The following P2RX2 variants were observed in gnomAD, a reference collection of about 807,000 sequenced individuals.
P2RX2 encodes purinergic receptor P2X 2.
In P2RX2, 50 loss-of-function variants were observed where a neutral mutation model predicts 54.8. The observed-to-expected ratio is 0.91, with a 90% CI of 0.73 to 1.15. The LOEUF is 1.15. P2RX2 is among the 50% of genes most tolerant of loss of function. P2RX2 has a pLI of 0.00. For missense variants in P2RX2, 658 were observed against 633.2 expected (o/e 1.04, Z -0.42); for synonymous variants, 289 against 259.4 (o/e 1.11, Z -1.09).
rs1254922880 is a variant in P2RX2, at chr12:132,622,316, G to C, written c.*344G>C. ...CACCCCACCCCACCCCACAGGCGTT[G>C]TAACCTTGAATCTGCCCAGACTCTT... On this transcript the variant is annotated 3_prime_UTR_variant, in exon 11 of 11. Transcript: ENST00000643471. The C allele has an allele frequency of 1.1e-6, 1 of 925,250 alleles. No individual in the cohort carries two copies. The highest frequency in any genetic ancestry group is 1.8e-5 in the African/African-American group (1 of 56,364). The allele number at this position is 925,250 out of a possible 1,614,324, so 57.3% of individuals were successfully genotyped here. A position where few individuals can be genotyped will look rare whatever the true frequency, so the allele number is the denominator to read the frequency against.
chr12:132,619,955 C>G (rs2041579101), intron 4 of P2RX2, 36 bp downstream of exon 4: 1 of 1,569,748 alleles, frequency 6.4e-7, no homozygotes, highest in African/African-American at 1.3e-5. Flanking sequence ...GCGGGTGGGG[C>G]AGGGCTGCGT....
At chr12:132,619,352 G>A (rs1402210044) in intron 1 of P2RX2, 87 bp from the exon 2 acceptor site, 2 of 1,497,948 alleles carry the variant, frequency 1.3e-6, no homozygotes, top group African/African-American at 2.8e-5. Context: ...AGCGGACCCG[G>A]GTCGCGGGAG....
chr12:132,619,485 C>G lies in P2RX2; in HGVS notation c.220C>G (p.Pro74Ala). 1.9e-6 allele frequency: 3 copies of G among 1,612,704 alleles called. No individual in the cohort carries two copies. The highest frequency in any genetic ancestry group is 3.3e-4 in the Middle Eastern group (2 of 6,056). Residue 74 changes from proline (P) to alanine (A), a missense_variant, in exon 2 of 11, where the codon CCC becomes GCC. Pro to Ala is a conservative substitution (Grantham distance 27, BLOSUM62 -1). Coordinates refer to ENST00000643471, the MANE Select transcript of P2RX2 (RefSeq NM_170682.4). ...AAGCTACCAGGAGAGCGAGACGGGC[C>G]CCGAGAGCTCCATCATCACCAAGGT... ...QKSYQESETG[P>A]ESSIITKVKG...
intron 1 of P2RX2, 90 bp from the exon 2 acceptor site, chr12:132,619,349 C>A (rs774302980): frequency 1.4e-6 from 2 of 1,460,872 alleles, no homozygotes; most frequent in Admixed American, 3.7e-5. Flanking sequence ...CAGAGCGGAC[C>A]CGGGTCGCGG....
chr12:132,619,591 G>A lies in P2RX2; in HGVS notation c.309+17G>A. 6.2e-7 allele frequency: 1 copy of A among 1,600,506 alleles called. No individual in the cohort carries two copies. Among genetic ancestry groups the A allele is most frequent in the South Asian group, 1.1e-5 (1 of 90,648 alleles). On this transcript the variant is annotated intron_variant, in intron 2 of 10. Coordinates refer to ENST00000643471, the MANE Select transcript of P2RX2 (RefSeq NM_170682.4). ...CCCCCCGAGGTGCGGGCCGCCCCCT[G>A]CCCCCCGCCCCGCCGTGCACCCTAC...
intron 5 of P2RX2, 72 bp downstream of exon 5, chr12:132,620,168 C>A: frequency 6.7e-7 from 1 of 1,488,782 alleles, no homozygotes; most frequent in South Asian, 1.2e-5. Context: ...GCCAAACGGG[C>A]GGGGCAGGAG....
intron 7 of P2RX2, among the ~76,000 whole-genome samples, 180 bp downstream of exon 7, chr12:132,620,763 C>T (rs1031581859): frequency 6.6e-6 from 1 of 152,216 alleles, no homozygotes; most frequent in African/African-American, 2.4e-5. Context: ...TTGACACTGG[C>T]CATGGGGCTG....
rs756154743 is a variant in P2RX2, at chr12:132,621,262, A to C, written c.913A>C (p.Lys305Gln). The C allele has an allele frequency of 2.5e-6, 4 of 1,613,882 alleles. No homozygotes were observed. The highest frequency in any genetic ancestry group is 3.3e-5 in the Admixed American group (2 of 59,992). ...ASSGYNFRFA[K>Q]YYKINGTTTR... ...CTGGCGTTCCCATTGCAGGTTTGCCAAATACTACAAGATCAATGGCACCAC... is the reference window on the plus strand; with the variant it reads ...CTGGCGTTCCCATTGCAGGTTTGCCCAATACTACAAGATCAATGGCACCAC... Residue 305 changes from lysine (K) to glutamine (Q), a missense_variant, in exon 9 of 11, where the codon AAA becomes CAA. Lys to Gln is a moderately conservative substitution (Grantham distance 53). Transcript: ENST00000643471.
chr12:132,621,126 C>T lies in P2RX2; in HGVS notation c.900C>T (p.Asn300=), dbSNP rs114197945. 1 of 1,614,154 alleles carries T rather than the reference C, an allele frequency of 6.2e-7. No homozygotes were observed. The highest frequency in any genetic ancestry group is 1.3e-5 in the African/African-American group (1 of 75,044). The change falls in exon 8 of 11, where the codon AAC becomes AAT. Residue 300 remains asparagine (N), a synonymous_variant. Coordinates refer to ENST00000643471, the MANE Select transcript of P2RX2 (RefSeq NM_170682.4). ...ACGTGCCTGCCTCGTCAGGCTACAA[C>T]TTCAGGTGCTGTACTTGGGACACCG... ...PKHVPASSGY[N]FRFAKYYKIN...
rs1317953907 is a variant in P2RX2, at chr12:132,620,475, C to T, written c.666C>T (p.Tyr222=). ...ACATCGCCGACCGCACAGACGGGTA[C>T]CTGAAGCGCTGCACGTTCCACGAGG... ...KGNIADRTDG[Y]LKRCTFHEAS... Residue 222 remains tyrosine (Y), a synonymous_variant, in exon 7 of 11, where the codon TAC becomes TAT. Coordinates refer to ENST00000643471, the MANE Select transcript of P2RX2 (RefSeq NM_170682.4). The T allele has an allele frequency of 2.6e-5, 42 of 1,613,988 alleles. No homozygotes were observed. Among genetic ancestry groups the T allele is most frequent in the Non-Finnish European group, 3.3e-5 (39 of 1,180,036 alleles).
At chr12:132,619,125 C>G (rs11146977) in intron 1 of P2RX2, 136 bp downstream of exon 1, 11 of 20,508 alleles carry the variant, frequency 5.4e-4, no homozygotes, top group South Asian at 3.9e-3. Flanking sequence ...GGGGCTGGGA[C>G]CGGGGGCGCG....
In P2RX2 at chr12:132,618,998, GGCGCGGGGTGCGGGGC is replaced by G. The variant is rs764205396; in HGVS notation, c.173+13_173+28del. The stretch of plus-strand genomic sequence containing the variant: ...CTGCTCTACTTCGTGTGGTGCGCGG[GGCGCGGGGTGCGGGGC>G]GCGGGGTGCGGGGCGCAGGGGAGGG... On this transcript the variant is annotated intron_variant, in intron 1 of 10. Coordinates refer to ENST00000643471, the MANE Select transcript of P2RX2 (RefSeq NM_170682.4). 10 of 205,434 alleles carry G rather than the reference GGCGCGGGGTGCGGGGC, an allele frequency of 4.9e-5. No individual in the cohort carries two copies. In the Admixed American group the frequency reaches 1.5e-3, roughly 32 times the overall value. The allele number at this position is 205,434 out of a possible 1,614,324, so 12.7% of individuals were successfully genotyped here.
Position 132,620,470 on chromosome 12 carries a change from G to T in P2RX2, c.661G>T (p.Gly221Trp). ...SKGNIADRTD[G>W]YLKRCTFHEA... is the part of the protein sequence containing the mutation. ...GGGCAACATCGCCGACCGCACAGAC[G>T]GGTACCTGAAGCGCTGCACGTTCCA... Residue 221 changes from glycine to tryptophan, a missense_variant, in exon 7 of 11, where the codon GGG becomes TGG. Transcript: ENST00000643471. 3 of 1,614,084 alleles carry T rather than the reference G, an allele frequency of 1.9e-6. No homozygotes were observed. The highest frequency in any genetic ancestry group is 2.5e-6 in the Non-Finnish European group (3 of 1,180,018).
At position 132,622,227 on chromosome 12, in the gene P2RX2, A is replaced by C; in HGVS notation, c.*255A>C. 1 of 1,378,212 alleles carries C rather than the reference A, an allele frequency of 7.3e-7. No individual in the cohort carries two copies. Among genetic ancestry groups the C allele is most frequent in the South Asian group, 1.6e-5 (1 of 60,720 alleles). The allele number at this position is 1,378,212 out of a possible 1,614,324, so 85.4% of individuals were successfully genotyped here. On this transcript the variant is annotated 3_prime_UTR_variant, in exon 11 of 11. Coordinates refer to ENST00000643471, the MANE Select transcript of P2RX2 (RefSeq NM_170682.4). The stretch of plus-strand genomic sequence containing the variant: ...TCACTTCCCATCACCTCTCACAGCC[A>C]CCTGGAACCCAAGCCAGCTGAGCTC...
intron 5 of P2RX2, 57 bp downstream of exon 5, chr12:132,620,153 CAGAGGCCA>C (rs1185900304): frequency 6.6e-7 from 1 of 1,518,404 alleles, no homozygotes; most frequent in East Asian, 2.3e-5. Context: ...TTCCCCTGAC[CAGAGGCCA>C]AACGGGCGGG....
chr12:132,619,049 G>A lies in P2RX2; in HGVS notation c.173+60G>A. 2.8e-6 allele frequency: 3 copies of A among 1,061,118 alleles called. 1 individual carries two copies. The highest frequency in any genetic ancestry group is 3.5e-6 in the Non-Finnish European group (3 of 847,978). 65.7% of individuals were successfully genotyped at this position (1,061,118 alleles called of 1,614,324 possible). On this transcript the variant is annotated intron_variant, in intron 1 of 10. Transcript: ENST00000643471. ...GGGGCGCAGGGGAGGGGCTGGGATT[G>A]GGGGCGCTGGGCTGGAGGCGCGGGG...
rs1402033188 is a variant in P2RX2 at position 132,619,402 on chromosome 12, G to T, written c.174-37G>T. The T allele has an allele frequency of 1.9e-6, 3 of 1,609,642 alleles. No individual in the cohort carries two copies. The East Asian group carries it at 6.7e-5, about 36-fold the overall frequency. On this transcript the variant is annotated intron_variant, in intron 1 of 10. Coordinates refer to ENST00000643471, the MANE Select transcript of P2RX2 (RefSeq NM_170682.4). ...CTGCGGGCGGGACTCAGCCTTCCCA[G>T]GGTCGCCTCCGGAGCCGGCGCCGCC...
In P2RX2 at chr12:132,621,365, G is replaced by A; in HGVS notation, c.996+20G>A. ...GGACAGGTGCCTGCACCTGCTGGGG[G>A]TGGGTGGCCAGCCCTGCTAGCCTGG... On this transcript the variant is annotated intron_variant, in intron 9 of 10. Transcript: ENST00000643471. 6.2e-7 allele frequency: 1 copy of A among 1,613,724 alleles called. No individual in the cohort carries two copies. Among genetic ancestry groups the A allele is most frequent in the Non-Finnish European group, 8.5e-7 (1 of 1,179,876 alleles).
In P2RX2 at chr12:132,618,864, C is replaced by T. The variant is rs1292802248; in HGVS notation, c.48C>T (p.Arg16=). 2 of 1,373,650 alleles carry T rather than the reference C, an allele frequency of 1.5e-6. No individual in the cohort carries two copies. Among genetic ancestry groups the T allele is most frequent in the Admixed American group, 2.9e-5 (1 of 34,648 alleles). 85.1% of individuals were successfully genotyped at this position (1,373,650 alleles called of 1,614,324 possible). A position where few individuals can be genotyped will look rare whatever the true frequency, so the allele number is the denominator to read the frequency against. ...ACCCCGCCGGGGCGACCGCCCGGCG[C>T]CTGGCCCGGGGCTGCTGGTCCGCCC... ...PKYPAGATAR[R]LARGCWSALW... is the part of the protein sequence containing the mutation. The change falls in exon 1 of 11, where the codon CGC becomes CGT. Residue 16 remains arginine (R), a synonymous_variant. Transcript: ENST00000643471.
Sources: gnomAD v4.1 joint callset for allele counts (sites outside exome capture counted in the v4.1 genomes callset) on GRCh38, gnomAD v4.1.1 for gene constraint, MANE v1.5 for transcripts, NCBI Gene and HGNC (gene_info 2026-07-23, HGNC 2026-07-21) for gene names.